MKLN1: variants seen among roughly 807,000 people sequenced by gnomAD.
MKLN1 encodes the protein muskelin 1, also known as muskelin.
A neutral mutation model predicts 99.0 loss-of-function variants in MKLN1; 18 were observed. That is an observed-to-expected ratio of 0.18 (90% confidence interval 0.13 to 0.27). The LOEUF is 0.27. MKLN1 is among the 10% of genes least tolerant of loss of function. The pLI, the probability that MKLN1 is intolerant of heterozygous loss-of-function variation, is 1.00. For synonymous variants in MKLN1, 288 were observed against 293.2 expected (o/e 0.98, Z 0.18); for missense variants, 621 against 875.9 (o/e 0.71, Z 3.67).
In MKLN1 at chr7:131,349,812, G is replaced by A. The variant is rs552708207; in HGVS notation, c.98+21815G>A. ...CTTTTTAGTTTCATTTTTGTCTAGT[G>A]AGAATTTCCTATTTTATCAAACTTC... On this transcript the variant is annotated intron_variant, in intron 1 of 17. Transcript: ENST00000352689. Among the ~76,000 whole-genome samples, 61 of 152,262 alleles carry A rather than the reference G, an allele frequency of 4.0e-4. 1 individual carries two copies. In the South Asian group the frequency reaches 9.1e-3, roughly 23 times the overall value.
intron 6 of MKLN1, among the ~76,000 whole-genome samples, chr7:131,404,388 T>C (rs1197900763): frequency 6.6e-6 from 1 of 152,154 alleles, no homozygotes; most frequent in East Asian, 1.9e-4. Flanking sequence ...AGTGGCATGA[T>C]CAGTTAACTT....
intron 1 of MKLN1, among the ~76,000 whole-genome samples, chr7:131,141,340 C>T (rs12532412): frequency 0.33 from 49,658 of 152,034 alleles, 9,565 homozygotes; most frequent in Non-Finnish European, 0.45. Flanking sequence ...CCTCAATTTC[C>T]TCTTCATATT....
At chr7:131,120,176 A>C (rs1218728436) in intron 1 of MKLN1, among the ~76,000 whole-genome samples, 1 of 148,584 alleles carries the variant, frequency 6.7e-6, no homozygotes, top group African/African-American at 2.5e-5. Context: ...ATCTCAAAAA[A>C]AAAAAAAAAA....
chr7:131,433,124 A>G (rs1795575430), intron 9 of MKLN1, among the ~76,000 whole-genome samples: 2 of 152,066 alleles, frequency 1.3e-5, no homozygotes, highest in Admixed American at 1.3e-4. Context: ...ATGATCATGT[A>G]TTGCTTTTTG....
intron 2 of MKLN1, among the ~76,000 whole-genome samples, chr7:131,178,206 T>C (rs1389421532): frequency 8.6e-5 from 13 of 151,918 alleles, no homozygotes. Context: ...AGCCTCTGCC[T>C]TCTGGGTTCA....
chr7:131,448,785 G>C (rs1345981899), intron 12 of MKLN1, among the ~76,000 whole-genome samples: 1 of 152,116 alleles, frequency 6.6e-6, no homozygotes, highest in East Asian at 1.9e-4. Flanking sequence ...TGTGTAATTG[G>C]TTTACACAAT....
At chr7:131,391,389 A>G (rs1794194232) in intron 4 of MKLN1, among the ~76,000 whole-genome samples, 1 of 152,226 alleles carries the variant, frequency 6.6e-6, no homozygotes, top group Admixed American at 6.5e-5. Context: ...TATTCACAGT[A>G]ATGGAGGGGA....
chr7:131,470,676 A>G (rs981101007), intron 15 of MKLN1, among the ~76,000 whole-genome samples, 166 bp from the exon 16 acceptor site: 2 of 152,244 alleles, frequency 1.3e-5, no homozygotes, highest in East Asian at 1.9e-4. Context: ...CAACTACACT[A>G]TCTACCTGGC....
At chr7:131,462,870 C>G (rs1399629263) in intron 12 of MKLN1, among the ~76,000 whole-genome samples, 1 of 152,132 alleles carries the variant, frequency 6.6e-6, no homozygotes, top group Non-Finnish European at 1.5e-5. Flanking sequence ...ACCTGTAACA[C>G]CAGCACTTTG....
upstream of MKLN1, chr7:131,324,437 A>C (rs1005945778): frequency 2.0e-5 from 3 of 152,312 alleles, no homozygotes; most frequent in Admixed American, 2.0e-4. Context: ...TAAAAGGAAG[A>C]AGCGGAGGCA....
At chr7:131,327,842 C>T (rs1341322517), upstream of MKLN1, 1 of 1,596,238 alleles carries the variant, frequency 6.3e-7, no homozygotes, top group Non-Finnish European at 8.5e-7. Flanking sequence ...GGCCACGCCC[C>T]CTCCCCTCCT....
At chr7:131,147,454 G>C (rs1435493910) in intron 2 of MKLN1, among the ~76,000 whole-genome samples, 2 of 152,104 alleles carry the variant, frequency 1.3e-5, no homozygotes, top group Admixed American at 1.3e-4. Flanking sequence ...TTCTTGTACA[G>C]AAGATGAAAT....
intron 2 of MKLN1, among the ~76,000 whole-genome samples, chr7:131,147,911 T>C (rs1021989566): frequency 2.0e-5 from 3 of 152,162 alleles, no homozygotes; most frequent in African/African-American, 7.2e-5. Context: ...CCTGCATCTG[T>C]GGTATGGTGC....
At chr7:131,160,191 T>G (rs1001514052) in intron 2 of MKLN1, among the ~76,000 whole-genome samples, 1 of 152,214 alleles carries the variant, frequency 6.6e-6, no homozygotes, top group Admixed American at 6.5e-5. Context: ...CTTTTGTGAC[T>G]GGCTTCTTTC....
chr7:131,242,040 C>T (rs1462455710), intron 3 of MKLN1, among the ~76,000 whole-genome samples: 1 of 152,166 alleles, frequency 6.6e-6, no homozygotes, highest in African/African-American at 2.4e-5. Context: ...ATTGAGCATT[C>T]TGAATTGTTT....
intron 3 of MKLN1, among the ~76,000 whole-genome samples, chr7:131,314,377 T>A (rs1029721988): frequency 6.6e-6 from 1 of 152,192 alleles, no homozygotes; most frequent in Non-Finnish European, 1.5e-5. Context: ...GATCTTTTCA[T>A]GTGGTACTGA....
At chr7:131,262,235 A>G (rs1797743057) in intron 3 of MKLN1, among the ~76,000 whole-genome samples, 1 of 152,228 alleles carries the variant, frequency 6.6e-6, no homozygotes, top group South Asian at 2.1e-4. Flanking sequence ...AGAGATCGAG[A>G]CCATCCTGGC....
At chr7:131,119,722 T>A (rs1584771886) in intron 1 of MKLN1, among the ~76,000 whole-genome samples, 1 of 152,182 alleles carries the variant, frequency 6.6e-6, no homozygotes, top group Non-Finnish European at 1.5e-5. Flanking sequence ...CACCAAAACT[T>A]GGGGCTTACA....
intron 16 of MKLN1, among the ~76,000 whole-genome samples, chr7:131,476,439 G>A (rs1050350064): frequency 9.9e-5 from 15 of 151,964 alleles, no homozygotes; most frequent in African/African-American, 3.1e-4. Context: ...AGTGAATTTA[G>A]CAAGATTACA....
Sources: allele counts gnomAD v4.1 joint callset (sites outside exome capture counted in the v4.1 genomes callset), GRCh38; gene constraint gnomAD v4.1.1; transcripts MANE v1.5; gene names NCBI Gene and HGNC (gene_info 2026-07-23, HGNC 2026-07-21).